CNTN4: variants seen among roughly 807,000 people sequenced by gnomAD.
CNTN4 encodes contactin-4.
A neutral mutation model predicts 122.5 loss-of-function variants in CNTN4; 77 were observed. The observed-to-expected ratio is 0.63, with a 90% confidence interval of 0.52 to 0.76. CNTN4 has a LOEUF of 0.76. Among genes scored for constraint, CNTN4 ranks in the 30% least tolerant of loss-of-function variants. The pLI is 0.00. For missense variants in CNTN4, 1,256 were observed against 1,259.1 expected, an observed-to-expected ratio of 1.00 and a Z score of 0.04; for synonymous variants, 512 against 447.0, an observed-to-expected ratio of 1.15 and a Z score of -1.83.
At chr3:2,785,894 T>G (rs1185246381) in intron 6 of CNTN4, among the ~76,000 whole-genome samples, 80 of 5,144 alleles carry the variant, frequency 0.016, no homozygotes, top group East Asian at 0.065. Context: ...TGGCCCACGC[T>G]GCCCCCCCCC....
intron 6 of CNTN4, among the ~76,000 whole-genome samples, 157 bp from the exon 7 acceptor site, chr3:2,819,329 C>A (rs921779706): frequency 6.6e-6 from 1 of 152,142 alleles, no homozygotes; most frequent in Non-Finnish European, 1.5e-5. Context: ...GAGGATGGGA[C>A]AATGTCATAT....
chr3:2,987,600 C>A (rs531124184), intron 13 of CNTN4, among the ~76,000 whole-genome samples: 1 of 152,204 alleles, frequency 6.6e-6, no homozygotes, highest in South Asian at 2.1e-4. Context: ...CTAAGCCAAG[C>A]TGTGTGTCTT....
chr3:2,578,101 T>C (rs1164765854), intron 4 of CNTN4, among the ~76,000 whole-genome samples: 1 of 152,142 alleles, frequency 6.6e-6, no homozygotes, highest in Admixed American at 6.5e-5. Flanking sequence ...GACCCCTGGA[T>C]TGAATCATCA....
chr3:2,653,372 C>T (rs2083448992), intron 4 of CNTN4, among the ~76,000 whole-genome samples: 1 of 152,170 alleles, frequency 6.6e-6, no homozygotes, highest in African/African-American at 2.4e-5. Context: ...GGTACATTAA[C>T]CAGAGCTGTA....
intron 2 of CNTN4, among the ~76,000 whole-genome samples, chr3:2,150,934 G>A (rs2125403236): frequency 6.6e-6 from 1 of 152,206 alleles, no homozygotes; most frequent in East Asian, 1.9e-4. Flanking sequence ...TTATTTAGAA[G>A]ATACTTTTTG....
intron 14 of CNTN4, among the ~76,000 whole-genome samples, chr3:3,013,927 GGTC>G (rs1442559331): frequency 6.6e-6 from 1 of 151,904 alleles, no homozygotes; most frequent in African/African-American, 2.4e-5. Context: ...CCTAGGCTTG[GGTC>G]TTGCCTCACT....
intron 2 of CNTN4, among the ~76,000 whole-genome samples, chr3:2,312,119 C>T (rs1322399995): frequency 6.6e-6 from 1 of 151,724 alleles, no homozygotes; most frequent in Admixed American, 6.6e-5. Flanking sequence ...TCAAGATCAG[C>T]CTGAGTAACA....
chr3:2,355,789 A>C (rs576068164), intron 3 of CNTN4, among the ~76,000 whole-genome samples: 1 of 152,326 alleles, frequency 6.6e-6, no homozygotes, highest in East Asian at 1.9e-4. Context: ...TTTTTAGTAC[A>C]AGGAAAAACC....
chr3:2,199,685 G>T (rs1408717308), intron 2 of CNTN4, among the ~76,000 whole-genome samples: 1 of 152,196 alleles, frequency 6.6e-6, no homozygotes. Flanking sequence ...TGTTCTCCTA[G>T]AGTGTGCATT....
intron 4 of CNTN4, among the ~76,000 whole-genome samples, chr3:2,668,113 T>A (rs539877428): frequency 5.6e-4 from 85 of 152,314 alleles, no homozygotes; most frequent in African/African-American, 2.0e-3. Context: ...AAGTAGTTTT[T>A]TCCAATTCTG....
In CNTN4 at chr3:3,042,970, T is replaced by G. The variant is rs371435640; in HGVS notation, c.2512-7T>G. On this transcript the variant is annotated splice_polypyrimidine_tract_variant and splice_region_variant and intron_variant, in intron 21 of 24. Coordinates refer to ENST00000418658, the MANE Select transcript of CNTN4 (RefSeq NM_175607.3). ...GGTTTCCAAGGTCTTTCTGTTTATC[T>G]TCTTAGGTTAAATATTGGAGACATG... 3 of 1,612,194 alleles carry G rather than the reference T, an allele frequency of 1.9e-6. No individual in the cohort carries two copies. Among genetic ancestry groups the G allele is most frequent in the African/African-American group, 2.7e-5 (2 of 74,872 alleles).
chr3:2,152,461 A>G (rs540461513), intron 2 of CNTN4, among the ~76,000 whole-genome samples: 57 of 152,164 alleles, frequency 3.7e-4, no homozygotes, highest in Admixed American at 6.6e-4. Flanking sequence ...TTGTTAGCAG[A>G]ATAATGGAAT....
chr3:3,051,826 G>A (rs1252137869), intron 23 of CNTN4, among the ~76,000 whole-genome samples: 2 of 152,172 alleles, frequency 1.3e-5, no homozygotes, highest in African/African-American at 4.8e-5. Context: ...GTCTGGTTTT[G>A]TCTTGAGACA....
intron 3 of CNTN4, among the ~76,000 whole-genome samples, chr3:2,380,106 T>A (rs1256206238): frequency 6.6e-6 from 1 of 151,248 alleles, no homozygotes; most frequent in Non-Finnish European, 1.5e-5. Context: ...TTTAATTAGA[T>A]ACTGTGTCTC....
At chr3:3,052,348 G>A (rs1574945682) in intron 23 of CNTN4, among the ~76,000 whole-genome samples, 1 of 152,062 alleles carries the variant, frequency 6.6e-6, no homozygotes, top group East Asian at 1.9e-4. Flanking sequence ...GACATGTTTT[G>A]ACAAACATGT....
At chr3:2,111,848 C>T (rs1246494858) in intron 2 of CNTN4, among the ~76,000 whole-genome samples, 2 of 152,056 alleles carry the variant, frequency 1.3e-5, no homozygotes, top group African/African-American at 4.8e-5. Flanking sequence ...TTTACCCTTT[C>T]AATGCATTTA....
intron 4 of CNTN4, among the ~76,000 whole-genome samples, chr3:2,715,455 A>G (rs552141950): frequency 3.9e-5 from 6 of 152,304 alleles, no homozygotes; most frequent in Admixed American, 1.3e-4. Flanking sequence ...ACTTTAGCAA[A>G]TCAGTTGTCT....
At chr3:2,491,848 T>A (rs2151672229) in intron 3 of CNTN4, among the ~76,000 whole-genome samples, 1 of 152,322 alleles carries the variant, frequency 6.6e-6, no homozygotes, top group South Asian at 2.1e-4. Context: ...GCCGTGGTTT[T>A]ATTGCAGTCT....
chr3:2,877,454 C>T (rs560995067), intron 8 of CNTN4, among the ~76,000 whole-genome samples: 2 of 152,180 alleles, frequency 1.3e-5, no homozygotes, highest in East Asian at 1.9e-4. Context: ...GACATTTTTA[C>T]TTTATGCATA....
Sources: allele counts gnomAD v4.1 joint callset (sites outside exome capture counted in the v4.1 genomes callset), GRCh38; gene constraint gnomAD v4.1.1; transcripts MANE v1.5; gene names NCBI Gene and HGNC (gene_info 2026-07-23, HGNC 2026-07-21).